Variants in PINX1 observed in about 807,000 individuals in gnomAD.
PINX1 encodes the protein PIN2 (TERF1) interacting telomerase inhibitor 1.
Under a neutral mutation model 25.4 loss-of-function variants are expected in PINX1, and 34 were observed. The observed-to-expected ratio is 1.34, with a 90% CI of 1.02 to 1.78. The LOEUF is 1.78. Ranked by LOEUF, PINX1 falls within the 40% of genes most tolerant of loss-of-function variation. The pLI is 0.00. For synonymous variants in PINX1, 197 were observed against 147.7 expected (o/e 1.33, Z -2.42); for missense variants, 592 against 404.9 (o/e 1.46, Z -3.97).
At chr8:10,833,642 T>G (rs1478170658) in intron 2 of PINX1, 1 of 29,568 alleles carries the variant, frequency 3.4e-5, no homozygotes, top group South Asian at 4.9e-4. Context: ...TGGAGAAGAA[T>G]GACGACTGGG....
chr8:10,814,262 C>G (rs776570054), intron 6 of PINX1, among the ~76,000 whole-genome samples: 1 of 152,190 alleles, frequency 6.6e-6, no homozygotes, highest in African/African-American at 2.4e-5. Flanking sequence ...CCACACAGAA[C>G]AGTTTATGAG....
intron 5 of PINX1, among the ~76,000 whole-genome samples, chr8:10,822,915 T>G (rs1797922022): frequency 6.6e-6 from 1 of 152,262 alleles, no homozygotes. Flanking sequence ...TCATTTGCAT[T>G]ATTCAATCAA....
At chr8:10,805,507 G>A (rs568600094) in intron 6 of PINX1, among the ~76,000 whole-genome samples, 1 of 152,050 alleles carries the variant, frequency 6.6e-6, no homozygotes. Flanking sequence ...GGGTGACAGA[G>A]CACAGGAAGG....
chr8:10,787,345 G>GC (rs1443080012), intron 6 of PINX1, among the ~76,000 whole-genome samples: 1 of 151,726 alleles, frequency 6.6e-6, no homozygotes, highest in Non-Finnish European at 1.5e-5. Flanking sequence ...TCCCACCACA[G>GC]CCCCCCAAGG....
Position 10,797,098 on chromosome 8 carries a change from G to C in PINX1, c.471+23095C>G, listed in dbSNP as rs115768961. Among the ~76,000 whole-genome samples, 463 of 152,238 alleles carry C rather than the reference G, an allele frequency of 3.0e-3. 2 individuals carry two copies. The highest frequency in any genetic ancestry group is 0.01 in the African/African-American group (431 of 41,548). Reference sequence around the variant, plus strand: ...GTAACACACGTGAACCTCCAGTACAGTAAAGCGGGTGACGGAGAGTGTTGC... The same window carrying C: ...GTAACACACGTGAACCTCCAGTACACTAAAGCGGGTGACGGAGAGTGTTGC... On this transcript the variant is annotated intron_variant, in intron 6 of 6. Coordinates refer to ENST00000314787, the MANE Select transcript of PINX1 (RefSeq NM_017884.6).
chr8:10,771,046 G>A (rs886722522), intron 6 of PINX1: 1 of 152,216 alleles, frequency 6.6e-6, no homozygotes, highest in African/African-American at 2.4e-5. Context: ...ACCACAGCCT[G>A]TCTGTCATCA....
intron 6 of PINX1, among the ~76,000 whole-genome samples, chr8:10,809,742 G>A (rs559885170): frequency 2.6e-5 from 4 of 152,326 alleles, no homozygotes; most frequent in East Asian, 3.9e-4. Context: ...TCATCAAAGC[G>A]GCTCTAAGGA....
chr8:10,776,738 T>C (rs10107289), intron 6 of PINX1, among the ~76,000 whole-genome samples: 90,824 of 151,868 alleles, frequency 0.6, 27,647 homozygotes, highest in African/African-American at 0.67. Context: ...AAGCAAGGGA[T>C]GGGATGGTGC....
At chr8:10,792,004 T>G (rs1008299774) in intron 6 of PINX1, among the ~76,000 whole-genome samples, 1 of 152,180 alleles carries the variant, frequency 6.6e-6, no homozygotes, top group Admixed American at 6.5e-5. Context: ...TAACTCTCCG[T>G]GCTGGCCAGG....
chr8:10,765,980 G>A (rs1801029884), intron 6 of PINX1, 64 bp from the exon 7 acceptor site: 18 of 1,526,044 alleles, frequency 1.2e-5, no homozygotes, highest in Non-Finnish European at 1.5e-5. Context: ...ACCGCACCCA[G>A]GAGGCACCCA....
chr8:10,783,084 A>G (rs1300297715), intron 6 of PINX1, among the ~76,000 whole-genome samples: 2 of 152,226 alleles, frequency 1.3e-5, no homozygotes, highest in African/African-American at 2.4e-5. Flanking sequence ...TTTAAAAGAT[A>G]TATCAACCAA....
chr8:10,809,882 T>C (rs1393900890), intron 6 of PINX1, among the ~76,000 whole-genome samples: 1 of 152,214 alleles, frequency 6.6e-6, no homozygotes, highest in African/African-American at 2.4e-5. Flanking sequence ...GGCTGGGTAA[T>C]TTATAAAGTA....
At chr8:10,795,915 C>T (rs947880940) in intron 6 of PINX1, among the ~76,000 whole-genome samples, 2 of 151,984 alleles carry the variant, frequency 1.3e-5, no homozygotes, top group Non-Finnish European at 2.9e-5. Context: ...TCCCATTCAA[C>T]TGAACAAAGC....
At position 10,831,552 on chromosome 8, in the gene PINX1, A is replaced by G. The variant is rs1798226742; in HGVS notation, c.301+113T>C. 4 of 711,916 alleles carry G rather than the reference A, an allele frequency of 5.6e-6. No homozygotes were observed. The African/African-American group carries it at 7.0e-5, about 12-fold the overall frequency. The allele number at this position is 711,916 out of a possible 1,614,324, so 44.1% of individuals were successfully genotyped here. ...TTGTGCACAGGTATTGACATATCAC[A>G]CTATACTCAATAAATATGTATAATT... On this transcript the variant is annotated intron_variant, in intron 4 of 6. Transcript: ENST00000314787.
rs577916961 is a variant in PINX1 at position 10,809,025 on chromosome 8, G to A, written c.471+11168C>T. Among the ~76,000 whole-genome samples the A allele has an allele frequency of 7.2e-5, 11 of 152,302 alleles. No individual in the cohort carries two copies. In the South Asian group the frequency reaches 1.9e-3, roughly 26 times the overall value. On this transcript the variant is annotated intron_variant, in intron 6 of 6. Transcript: ENST00000314787. Reference sequence around the variant, plus strand: ...TCTCTCTAGCAGAGTCCCTCAAGCCGAGAGCCATGTCATTCCCCTTTGACT... The same window carrying A: ...TCTCTCTAGCAGAGTCCCTCAAGCCAAGAGCCATGTCATTCCCCTTTGACT...
At chr8:10,773,128 G>A (rs1379379741) in intron 6 of PINX1, among the ~76,000 whole-genome samples, 1 of 152,176 alleles carries the variant, frequency 6.6e-6, no homozygotes, top group Non-Finnish European at 1.5e-5. Context: ...CTGAATAAAT[G>A]TATTATAAAA....
chr8:10,838,923 G>C (rs1798485755), intron 1 of PINX1, among the ~76,000 whole-genome samples: 1 of 152,218 alleles, frequency 6.6e-6, no homozygotes, highest in Non-Finnish European at 1.5e-5. Flanking sequence ...AGAAAAGAGA[G>C]TGCTAACAGC....
chr8:10,820,570 C>T (rs1010576396), intron 5 of PINX1, among the ~76,000 whole-genome samples: 4 of 152,164 alleles, frequency 2.6e-5, no homozygotes, highest in South Asian at 2.1e-4. Context: ...ACCCTACTCC[C>T]GCTATGCCCT....
At chr8:10,838,087 G>C (rs1006240146) in intron 1 of PINX1, among the ~76,000 whole-genome samples, 1 of 152,136 alleles carries the variant, frequency 6.6e-6, no homozygotes, top group Non-Finnish European at 1.5e-5. Context: ...CCTCACTTCC[G>C]TTTACTGTCC....
Sources: allele counts gnomAD v4.1 joint callset (sites outside exome capture counted in the v4.1 genomes callset), GRCh38; gene constraint gnomAD v4.1.1; transcripts MANE v1.5; gene names NCBI Gene and HGNC (gene_info 2026-07-23, HGNC 2026-07-21).